Variants in IQCM observed in about 807,000 individuals in gnomAD.
IQCM encodes IQ domain-containing protein M.
Under a neutral mutation model 57.6 loss-of-function variants are expected in IQCM, and 45 were observed. The observed-to-expected ratio is 0.78, with a 90% CI of 0.62 to 1.00. The LOEUF (loss-of-function observed/expected upper bound fraction) is 1.00, where lower values mean the gene tolerates loss of function less well. Among genes scored for constraint, IQCM ranks in the 50% least tolerant of loss-of-function variants. IQCM has a pLI of 0.00. For missense variants in IQCM, 468 were observed against 511.6 expected, an observed-to-expected ratio of 0.91 and a Z score of 0.82; for synonymous variants, 148 against 158.9, an observed-to-expected ratio of 0.93 and a Z score of 0.51.
At chr4:149,463,080 G>C (rs555825076) in intron 12 of IQCM, among the ~76,000 whole-genome samples, 1 of 152,314 alleles carries the variant, frequency 6.6e-6, no homozygotes, top group East Asian at 1.9e-4. Flanking sequence ...TTAGGGAACA[G>C]CCTCTGGTTA....
At chr4:149,472,559 T>C (rs892838596) in intron 12 of IQCM, among the ~76,000 whole-genome samples, 3 of 152,164 alleles carry the variant, frequency 2.0e-5, no homozygotes, top group African/African-American at 4.8e-5. Flanking sequence ...AGGTAATTTA[T>C]AGATTCAATA....
chr4:149,667,419 T>A (rs1030360667), intron 7 of IQCM, among the ~76,000 whole-genome samples: 2 of 151,906 alleles, frequency 1.3e-5, no homozygotes, highest in African/African-American at 4.8e-5. Context: ...AAAAACCCTA[T>A]CTGAAGGTCA....
At chr4:149,742,017 T>A (rs2359575) in intron 3 of IQCM, among the ~76,000 whole-genome samples, 37,681 of 151,996 alleles carry the variant, frequency 0.25, 7,098 homozygotes, top group African/African-American at 0.48. Flanking sequence ...GTAATTTAAA[T>A]TTTTCTGGTA....
rs570950177 is a variant in IQCM at position 149,799,420 on chromosome 4, T to C, written c.-49+15891A>G. The stretch of plus-strand genomic sequence containing the variant: ...AAACTTCAGATAATCTAATGATGCA[T>C]CTAAAAGAACTAGAAAAGCTACAGC... On this transcript the variant is annotated intron_variant, in intron 2 of 13. Transcript: ENST00000636793. 7.3e-5 allele frequency among the ~76,000 whole-genome samples: 11 copies of C among 151,568 alleles called. No homozygotes were observed. The South Asian group carries it at 2.3e-3, about 31-fold the overall frequency.
chr4:149,493,028 G>T (rs1742260305), intron 12 of IQCM, among the ~76,000 whole-genome samples: 1 of 152,046 alleles, frequency 6.6e-6, no homozygotes, highest in African/African-American at 2.4e-5. Context: ...ACATCAGGTG[G>T]TGGTGGGTAT....
intron 13 of IQCM, among the ~76,000 whole-genome samples, chr4:149,357,703 T>G (rs1729111445): frequency 6.6e-6 from 1 of 152,226 alleles, no homozygotes; most frequent in Non-Finnish European, 1.5e-5. Context: ...GGTCTTGAAT[T>G]CTCTTTTATT....
intron 7 of IQCM, among the ~76,000 whole-genome samples, chr4:149,677,377 C>T (rs981441524): frequency 3.3e-5 from 5 of 152,060 alleles, no homozygotes; most frequent in African/African-American, 1.2e-4. Flanking sequence ...TATCCCACTG[C>T]TGAGGTATCC....
chr4:149,558,511 T>C (rs758376350), intron 10 of IQCM, among the ~76,000 whole-genome samples: 2 of 152,196 alleles, frequency 1.3e-5, no homozygotes, highest in African/African-American at 4.8e-5. Flanking sequence ...GGGGGTTACA[T>C]TTTAGTGAAA....
At chr4:149,590,950 C>A (rs1037311077) in intron 8 of IQCM, among the ~76,000 whole-genome samples, 10 of 152,020 alleles carry the variant, frequency 6.6e-5, no homozygotes, top group Non-Finnish European at 1.2e-4. Flanking sequence ...GATTTATCAT[C>A]CTTCTTTAAA....
chr4:149,585,523 T>C (rs2654791), intron 9 of IQCM, among the ~76,000 whole-genome samples: 82,306 of 151,330 alleles, frequency 0.54, 22,645 homozygotes, highest in African/African-American at 0.58. Context: ...TACATATATA[T>C]AGTTTTATAT....
chr4:149,770,783 A>G (rs1419880868), intron 2 of IQCM, among the ~76,000 whole-genome samples: 2 of 152,088 alleles, frequency 1.3e-5, no homozygotes, highest in African/African-American at 4.8e-5. Context: ...TCTGAACTGG[A>G]TAAAGAGCAC....
chr4:149,654,774 T>C (rs1178766400), intron 7 of IQCM, among the ~76,000 whole-genome samples: 2 of 152,182 alleles, frequency 1.3e-5, no homozygotes, highest in Admixed American at 6.5e-5. Flanking sequence ...AACTACAAGC[T>C]ATGTACATCT....
At chr4:149,420,013 G>T (rs193198121) in intron 13 of IQCM, among the ~76,000 whole-genome samples, 3 of 152,128 alleles carry the variant, frequency 2.0e-5, no homozygotes, top group Admixed American at 2.0e-4. Flanking sequence ...TGAGGTTGTA[G>T]AGAAATAGGA....
intron 13 of IQCM, among the ~76,000 whole-genome samples, chr4:149,356,300 T>A (rs997262231): frequency 6.6e-6 from 1 of 152,230 alleles, no homozygotes; most frequent in Non-Finnish European, 1.5e-5. Flanking sequence ...TTTGGTGTTT[T>A]AGACATGAAG....
At chr4:149,735,503 A>G in intron 3 of IQCM, 45 bp from the exon 4 acceptor site, 1 of 846,762 alleles carries the variant, frequency 1.2e-6, no homozygotes, top group Non-Finnish European at 1.6e-6. Context: ...TTAATGTGAA[A>G]GTAAATTTTA....
intron 13 of IQCM, among the ~76,000 whole-genome samples, chr4:149,419,119 T>C (rs2111208348): frequency 6.6e-6 from 1 of 152,172 alleles, no homozygotes; most frequent in African/African-American, 2.4e-5. Flanking sequence ...TTGAGATTCT[T>C]CACAGCTATA....
chr4:149,369,017 T>C (rs1730164896), intron 13 of IQCM, among the ~76,000 whole-genome samples: 1 of 85,176 alleles, frequency 1.2e-5, no homozygotes, highest in Non-Finnish European at 2.3e-5. Flanking sequence ...TACACGTGTA[T>C]ATATATATAT....
At chr4:149,696,566 T>A (rs1420701246) in intron 5 of IQCM, among the ~76,000 whole-genome samples, 2 of 152,138 alleles carry the variant, frequency 1.3e-5, no homozygotes, top group Admixed American at 1.3e-4. Flanking sequence ...TCCTCAAAAT[T>A]TCAGACTTAT....
At chr4:149,803,478 T>C (rs995671000) in intron 2 of IQCM, among the ~76,000 whole-genome samples, 1 of 151,992 alleles carries the variant, frequency 6.6e-6, no homozygotes. Flanking sequence ...CTAATAAGCA[T>C]GTCAAAGGCA....
Sources: allele counts gnomAD v4.1 joint callset (sites outside exome capture counted in the v4.1 genomes callset), GRCh38; gene constraint gnomAD v4.1.1; transcripts MANE v1.5; gene names NCBI Gene and HGNC (gene_info 2026-07-23, HGNC 2026-07-21).